The following ROBO2 variants were observed in gnomAD, a reference collection of about 807,000 sequenced individuals.
The protein encoded by ROBO2 is roundabout homolog 2.
ROBO2 carries 53 observed loss-of-function variants against 160.8 expected under a neutral mutation model. The ratio of observed to expected loss-of-function variants is 0.33; its 90% CI spans 0.26 to 0.41. ROBO2 has a LOEUF of 0.41. Ranked by LOEUF, ROBO2 falls within the 10% of genes least tolerant of loss-of-function variation. ROBO2 has a pLI of 1.00. For synonymous variants in ROBO2, 664 were observed against 611.7 expected, an observed-to-expected ratio of 1.09 and a Z score of -1.26; for missense variants, 1,577 against 1,722.4, an observed-to-expected ratio of 0.92 and a Z score of 1.49.
chr3:76,694,964 C>T (rs1368526700), intron 2 of ROBO2, among the ~76,000 whole-genome samples: 2 of 151,998 alleles, frequency 1.3e-5, no homozygotes, highest in Non-Finnish European at 2.9e-5. Flanking sequence ...ATTAGCCAGG[C>T]ATGGTGGCAC....
At chr3:77,239,327 C>T (rs1038435388) in intron 2 of ROBO2, among the ~76,000 whole-genome samples, 1 of 151,786 alleles carries the variant, frequency 6.6e-6, no homozygotes, top group African/African-American at 2.4e-5. Flanking sequence ...TTCGTTCCTC[C>T]CGTCCAGAGT....
chr3:77,367,598 G>A (rs1343015801), intron 2 of ROBO2, among the ~76,000 whole-genome samples: 1 of 152,178 alleles, frequency 6.6e-6, no homozygotes, highest in African/African-American at 2.4e-5. Flanking sequence ...TTTTATTGTA[G>A]AATTATCAGA....
intron 2 of ROBO2, among the ~76,000 whole-genome samples, chr3:77,186,411 G>T (rs985244664): frequency 3.3e-5 from 5 of 152,058 alleles, no homozygotes; most frequent in African/African-American, 4.8e-5. Context: ...AAAGTAGGAG[G>T]TGATGGTTTA....
At chr3:77,461,004 A>G (rs1473130891) in intron 2 of ROBO2, among the ~76,000 whole-genome samples, 1 of 152,190 alleles carries the variant, frequency 6.6e-6, no homozygotes, top group Non-Finnish European at 1.5e-5. Flanking sequence ...AATAATGGCT[A>G]TATTAGTATA....
chr3:76,446,508 A>C (rs1352617233), intron 2 of ROBO2, among the ~76,000 whole-genome samples: 1 of 152,152 alleles, frequency 6.6e-6, no homozygotes, highest in African/African-American at 2.4e-5. Context: ...TCAAGCTACC[A>C]ATGACTTTCT....
At chr3:77,574,797 G>C in intron 14 of ROBO2, 67 bp downstream of exon 15, 1 of 1,136,550 alleles carries the variant, frequency 8.8e-7, no homozygotes, top group Non-Finnish European at 1.3e-6. Flanking sequence ...GTACCTATTT[G>C]TTATCTTCCT....
chr3:77,613,926 T>C (rs1181323687), intron 21 of ROBO2, among the ~76,000 whole-genome samples: 1 of 152,200 alleles, frequency 6.6e-6, no homozygotes. Flanking sequence ...TGCATCTTGA[T>C]GGATTTATAA....
At chr3:76,200,387 G>A (rs1397426447) in intron 2 of ROBO2, among the ~76,000 whole-genome samples, 1 of 152,076 alleles carries the variant, frequency 6.6e-6, no homozygotes, top group Non-Finnish European at 1.5e-5. Flanking sequence ...CTTTGTAAAT[G>A]GAAATACTTT....
intron 2 of ROBO2, among the ~76,000 whole-genome samples, chr3:76,106,542 A>C (rs1393011954): frequency 2.0e-5 from 3 of 152,096 alleles, no homozygotes; most frequent in Non-Finnish European, 4.4e-5. Flanking sequence ...TTGGTTGTTG[A>C]AGGGTTTCGA....
intron 2 of ROBO2, among the ~76,000 whole-genome samples, chr3:77,240,496 C>A (rs537462443): frequency 6.6e-6 from 1 of 152,166 alleles, no homozygotes; most frequent in East Asian, 1.9e-4. Context: ...CAGAGGGAGC[C>A]GGCTCCAGCC....
intron 2 of ROBO2, among the ~76,000 whole-genome samples, chr3:76,747,747 C>A (rs1004022589): frequency 8.6e-5 from 13 of 151,594 alleles, no homozygotes; most frequent in African/African-American, 2.9e-4. Flanking sequence ...AGAAAACATA[C>A]ATTTGGTCCT....
At chr3:77,389,890 T>C (rs1044831758) in intron 2 of ROBO2, among the ~76,000 whole-genome samples, 3 of 152,168 alleles carry the variant, frequency 2.0e-5, no homozygotes, top group Admixed American at 6.6e-5. Context: ...AGAGCACAGA[T>C]GTTCTCCTCC....
At chr3:76,123,417 A>G (rs1288191666) in intron 2 of ROBO2, among the ~76,000 whole-genome samples, 1 of 152,144 alleles carries the variant, frequency 6.6e-6, no homozygotes, top group East Asian at 1.9e-4. Context: ...TTTTTCTACT[A>G]TTAATGAGTT....
intron 2 of ROBO2, among the ~76,000 whole-genome samples, chr3:76,106,669 A>T (rs548986194): frequency 1.2e-4 from 18 of 152,290 alleles, no homozygotes; most frequent in African/African-American, 4.1e-4. Context: ...AGAAGGCAAG[A>T]TGAGCCAAAC....
At chr3:75,992,451 G>T (rs1291686025) in intron 2 of ROBO2, among the ~76,000 whole-genome samples, 1 of 152,176 alleles carries the variant, frequency 6.6e-6, no homozygotes, top group Non-Finnish European at 1.5e-5. Context: ...GTGCACAAAA[G>T]TCAAGAGTTG....
intron 2 of ROBO2, among the ~76,000 whole-genome samples, chr3:76,759,021 G>A (rs2061147570): frequency 1.3e-5 from 2 of 151,808 alleles, no homozygotes; most frequent in Admixed American, 1.3e-4. Flanking sequence ...GGTATCTTTT[G>A]AGCTATCCTT....
At chr3:76,007,329 GT>G (rs2066051218) in intron 2 of ROBO2, among the ~76,000 whole-genome samples, 1 of 151,952 alleles carries the variant, frequency 6.6e-6, no homozygotes, top group Admixed American at 6.6e-5. Context: ...ATTATTTCAT[GT>G]TTTTTAAAAA....
intron 2 of ROBO2, among the ~76,000 whole-genome samples, chr3:76,890,600 A>C (rs2074275764): frequency 1.3e-5 from 2 of 152,290 alleles, no homozygotes; most frequent in East Asian, 3.9e-4. Flanking sequence ...TTGATAGATT[A>C]GACGGGTAAA....
At chr3:77,422,259 A>G (rs771218977) in intron 2 of ROBO2, among the ~76,000 whole-genome samples, 18 of 152,138 alleles carry the variant, frequency 1.2e-4, no homozygotes, top group Non-Finnish European at 1.9e-4. Flanking sequence ...TCCTTTTGAC[A>G]TTTTATGCCT....
Sources: gnomAD v4.1 joint callset for allele counts (sites outside exome capture counted in the v4.1 genomes callset) on GRCh38, gnomAD v4.1.1 for gene constraint, MANE v1.5 for transcripts, NCBI Gene and HGNC (gene_info 2026-07-23, HGNC 2026-07-21) for gene names.